SPATA17: variants seen among roughly 807,000 people sequenced by gnomAD.
SPATA17 encodes the protein spermatogenesis associated 17.
A neutral mutation model predicts 62.2 loss-of-function variants in SPATA17; 53 were observed. The observed-to-expected ratio is 0.85, with a 90% CI of 0.68 to 1.07. The LOEUF (loss-of-function observed/expected upper bound fraction) is 1.07, where lower values mean the gene tolerates loss of function less well. SPATA17 is among the 50% of genes least tolerant of loss of function. The pLI is 0.00. For missense variants in SPATA17, 466 were observed against 425.5 expected (o/e 1.10, Z -0.84); for synonymous variants, 146 against 146.8 (o/e 0.99, Z 0.04).
At chr1:217,780,935 TATAAGA>T (rs567476165) in intron 7 of SPATA17, among the ~76,000 whole-genome samples, 11 of 152,094 alleles carry the variant, frequency 7.2e-5, no homozygotes, top group Non-Finnish European at 1.6e-4. Flanking sequence ...TCTGTCAAAG[TATAAGA>T]ATAAGAATAA....
intron 6 of SPATA17, among the ~76,000 whole-genome samples, chr1:217,772,999 GTTGCATTTGGGATAGGACA>G (rs1411345926): frequency 1.3e-5 from 2 of 152,042 alleles, no homozygotes; most frequent in African/African-American, 4.8e-5. Context: ...GGTATAGGAT[GTTGCATTTGGGATAGGACA>G]TTGCATTTGG....
chr1:217,719,779 A>C (rs945926157), intron 5 of SPATA17, among the ~76,000 whole-genome samples: 1 of 152,188 alleles, frequency 6.6e-6, no homozygotes, highest in Non-Finnish European at 1.5e-5. Context: ...GGAATGGAAA[A>C]GTTTGGAAGA....
chr1:217,697,827 T>C (rs1671495140), intron 5 of SPATA17, among the ~76,000 whole-genome samples: 1 of 152,224 alleles, frequency 6.6e-6, no homozygotes, highest in Non-Finnish European at 1.5e-5. Flanking sequence ...AAGGTAATGG[T>C]TAATAGATAT....
At chr1:217,755,655 T>C (rs1472985552) in intron 6 of SPATA17, among the ~76,000 whole-genome samples, 2 of 151,968 alleles carry the variant, frequency 1.3e-5, no homozygotes, top group Non-Finnish European at 2.9e-5. Flanking sequence ...CATGTAAACA[T>C]ATGTATGCAT....
At chr1:217,765,396 A>T (rs1673274967) in intron 6 of SPATA17, among the ~76,000 whole-genome samples, 1 of 151,806 alleles carries the variant, frequency 6.6e-6, no homozygotes, top group African/African-American at 2.4e-5. Flanking sequence ...TAATATATGC[A>T]TTCAATGCAA....
intron 1 of SPATA17, among the ~76,000 whole-genome samples, chr1:217,638,039 TATA>T: frequency 6.6e-6 from 1 of 152,222 alleles, no homozygotes; most frequent in Admixed American, 6.5e-5. Flanking sequence ...AATTCATAAT[TATA>T]ATAGGAAATC....
intron 6 of SPATA17, among the ~76,000 whole-genome samples, chr1:217,749,943 TTCTCTCTCTCTCTCTCTC>T (rs1188300100): frequency 2.4e-5 from 1 of 41,456 alleles, no homozygotes; most frequent in African/African-American, 9.4e-5. Flanking sequence ...TGTCATAAGA[TTCTCTCTCTCTCTCTCTC>T]TCTCTCTCTC....
chr1:217,786,789 C>CTTCTTCTTCTTCTTG (rs1673880929), intron 8 of SPATA17, among the ~76,000 whole-genome samples: 3 of 150,638 alleles, frequency 2.0e-5, no homozygotes, highest in Non-Finnish European at 4.4e-5. Context: ...TCTTCTTCTT[C>CTTCTTCTTCTTCTTG]TTCTTCTTCT....
intron 5 of SPATA17, 93 bp from the exon 6 acceptor site, chr1:217,741,882 G>T (rs1465936187): frequency 7.2e-7 from 1 of 1,396,014 alleles, no homozygotes; most frequent in Non-Finnish European, 9.9e-7. Context: ...TATGGATGAT[G>T]GTTGCCCCTC....
At chr1:217,714,706 C>T (rs1309918513) in intron 5 of SPATA17, among the ~76,000 whole-genome samples, 3 of 151,452 alleles carry the variant, frequency 2.0e-5, no homozygotes, top group East Asian at 3.9e-4. Context: ...AGGATGGTCT[C>T]GATCTCCTGA....
intron 5 of SPATA17, among the ~76,000 whole-genome samples, chr1:217,717,150 T>A (rs1672023129): frequency 6.6e-6 from 1 of 152,272 alleles, no homozygotes; most frequent in Non-Finnish European, 1.5e-5. Flanking sequence ...AATTGCCTTC[T>A]CTGCTATTGA....
At position 217,850,585 on chromosome 1, in the gene SPATA17, C is replaced by T. The variant is rs1675627611; in HGVS notation, c.1006-12189C>T. 4 of 1,596,694 alleles carry T rather than the reference C, an allele frequency of 2.5e-6. No homozygotes were observed. The Admixed American group carries it at 6.7e-5, about 27-fold the overall frequency. On this transcript the variant is annotated intron_variant, in intron 9 of 10. Coordinates refer to ENST00000366933, the MANE Select transcript of SPATA17 (RefSeq NM_138796.4). ...TTTTCGATGGTGTCACTGGGCTCCA[C>T]TTCAAGGGTGATGGTCTTGCCAGTC...
intron 5 of SPATA17, among the ~76,000 whole-genome samples, chr1:217,728,942 T>C (rs1259579666): frequency 6.6e-6 from 1 of 152,204 alleles, no homozygotes; most frequent in East Asian, 1.9e-4. Flanking sequence ...CAAGATCTCT[T>C]AATGAAGTTA....
chr1:217,704,523 T>G (rs1192668079), intron 5 of SPATA17, among the ~76,000 whole-genome samples: 4 of 151,924 alleles, frequency 2.6e-5, no homozygotes, highest in African/African-American at 9.7e-5. Context: ...GTGCTGGGAT[T>G]ACAGGCGTGA....
chr1:217,717,259 G>T (rs1460701120), intron 5 of SPATA17, among the ~76,000 whole-genome samples: 2 of 152,138 alleles, frequency 1.3e-5, no homozygotes, highest in African/African-American at 2.4e-5. Context: ...GATATTAAAA[G>T]AAACAGAACT....
intron 6 of SPATA17, among the ~76,000 whole-genome samples, chr1:217,747,251 A>G (rs1412293333): frequency 6.6e-6 from 1 of 152,190 alleles, no homozygotes; most frequent in Non-Finnish European, 1.5e-5. Context: ...TCTAACACAT[A>G]TAAGACATAT....
At chr1:217,773,265 T>C (rs961019536) in intron 6 of SPATA17, among the ~76,000 whole-genome samples, 1 of 152,194 alleles carries the variant, frequency 6.6e-6, no homozygotes, top group Non-Finnish European at 1.5e-5. Flanking sequence ...GATATGTTGA[T>C]GGCATAAGAG....
intron 9 of SPATA17, among the ~76,000 whole-genome samples, chr1:217,852,310 C>G (rs982636612): frequency 6.6e-6 from 1 of 152,158 alleles, no homozygotes; most frequent in Non-Finnish European, 1.5e-5. Context: ...AATAGGTAAT[C>G]ATTATTAATA....
At chr1:217,735,024 C>A (rs1340425745) in intron 5 of SPATA17, among the ~76,000 whole-genome samples, 1 of 152,156 alleles carries the variant, frequency 6.6e-6, no homozygotes, top group Non-Finnish European at 1.5e-5. Context: ...AATGTAGTTT[C>A]TTCTCTCTCC....
Sources: allele counts gnomAD v4.1 joint callset (sites outside exome capture counted in the v4.1 genomes callset), GRCh38; gene constraint gnomAD v4.1.1; transcripts MANE v1.5; gene names NCBI Gene and HGNC (gene_info 2026-07-23, HGNC 2026-07-21).